The following BLTP3B variants were observed in gnomAD, a reference collection of about 807,000 sequenced individuals.
The protein encoded by BLTP3B is bridge-like lipid transfer protein family member 3B, also known as UHRF1 (ICBP90) binding protein 1-like.
the BLTP3B span, among the ~76,000 whole-genome samples, chr12:100,132,008 T>G: frequency 6.6e-6 from 1 of 152,164 alleles, no homozygotes; most frequent in East Asian, 1.9e-4. Context: ...GCCAGGCTGG[T>G]CTCGAACTCC....
chr12:100,061,517 C>T, the BLTP3B span, among the ~76,000 whole-genome samples: 1 of 151,828 alleles, frequency 6.6e-6, no homozygotes, highest in African/African-American at 2.4e-5. Context: ...ATTAGCCGGG[C>T]GTGGTGGCGG....
At chr12:100,069,457 CGT>C in the BLTP3B span, among the ~76,000 whole-genome samples, 1 of 150,996 alleles carries the variant, frequency 6.6e-6, no homozygotes, top group East Asian at 1.9e-4. Context: ...CATATATGTG[CGT>C]GTGTATATAT....
chr12:100,106,171 G>A, the BLTP3B span, among the ~76,000 whole-genome samples: 2 of 151,904 alleles, frequency 1.3e-5, no homozygotes, highest in Non-Finnish European at 2.9e-5. Flanking sequence ...ACTAAAAGTA[G>A]ATCTACCATT....
At chr12:100,044,578 C>A in the BLTP3B span, among the ~76,000 whole-genome samples, 1 of 152,058 alleles carries the variant, frequency 6.6e-6, no homozygotes, top group Non-Finnish European at 1.5e-5. Flanking sequence ...AGTGGAGATG[C>A]AAACATTAAA....
chr12:100,089,756 G>A, the BLTP3B span, among the ~76,000 whole-genome samples: 1 of 152,056 alleles, frequency 6.6e-6, no homozygotes, highest in Admixed American at 6.6e-5. Context: ...AAACAAATGT[G>A]GGCCCTGTAT....
the BLTP3B span, chr12:100,058,971 A>C: frequency 3.1e-6 from 5 of 1,613,998 alleles, no homozygotes; most frequent in Non-Finnish European, 4.2e-6. Context: ...ATACTCCTTC[A>C]AGAGCTTCTT....
chr12:100,103,239 A>C, the BLTP3B span, among the ~76,000 whole-genome samples: 1 of 152,170 alleles, frequency 6.6e-6, no homozygotes, highest in South Asian at 2.1e-4. Flanking sequence ...AGCTTATCAC[A>C]ATCTAAGATC....
chr12:100,072,040 C>A, the BLTP3B span, among the ~76,000 whole-genome samples: 2 of 152,162 alleles, frequency 1.3e-5, no homozygotes, highest in Admixed American at 1.3e-4. Flanking sequence ...GTGGGCAGAT[C>A]ACTTGAGGTC....
chr12:100,038,660 A>T, the BLTP3B span, among the ~76,000 whole-genome samples: 1 of 152,012 alleles, frequency 6.6e-6, no homozygotes, highest in Non-Finnish European at 1.5e-5. Flanking sequence ...GATGGCCAAT[A>T]CGTCTCCTCC....
chr12:100,117,768 T>A, the BLTP3B span, among the ~76,000 whole-genome samples: 83 of 152,300 alleles, frequency 5.4e-4, no homozygotes, highest in African/African-American at 1.8e-3. Context: ...CCCAAAGTGC[T>A]GGGATTACAG....
the BLTP3B span, among the ~76,000 whole-genome samples, chr12:100,041,377 CTT>C: frequency 3.4e-5 from 5 of 148,320 alleles, no homozygotes; most frequent in Admixed American, 1.3e-4. Context: ...AGACTAGACT[CTT>C]TTCCTGTTGG....
chr12:100,103,557 G>C, the BLTP3B span, among the ~76,000 whole-genome samples: 1 of 151,904 alleles, frequency 6.6e-6, no homozygotes, highest in Non-Finnish European at 1.5e-5. Context: ...GTATATTAAA[G>C]AACATATTTC....
chr12:100,121,282 G>A, the BLTP3B span, among the ~76,000 whole-genome samples: 2 of 151,502 alleles, frequency 1.3e-5, no homozygotes, highest in African/African-American at 4.8e-5. Context: ...CCTGGGAGGT[G>A]GAGGTTGCAG....
At chr12:100,048,771 A>AGTGTGTGTATGTGT in the BLTP3B span, among the ~76,000 whole-genome samples, 1 of 114,980 alleles carries the variant, frequency 8.7e-6, no homozygotes, top group African/African-American at 3.3e-5. Context: ...AGTGAGAGTG[A>AGTGTGTGTATGTGT]GTGTGTGTGT....
chr12:100,138,865 AT>A, the BLTP3B span, among the ~76,000 whole-genome samples: 2 of 140,998 alleles, frequency 1.4e-5, no homozygotes, highest in African/African-American at 6.0e-5. Flanking sequence ...ACACATACAC[AT>A]ACACACACAC....
At chr12:100,081,476 G>A in the BLTP3B span, among the ~76,000 whole-genome samples, 11 of 152,038 alleles carry the variant, frequency 7.2e-5, no homozygotes, top group East Asian at 1.9e-4. Context: ...GGTAAACTGC[G>A]TGTCACTGGG....
the BLTP3B span, among the ~76,000 whole-genome samples, chr12:100,136,210 C>CAA: frequency 3.6e-4 from 38 of 106,366 alleles, 1 homozygote; most frequent in East Asian, 9.4e-3. Flanking sequence ...GACTCTGTCT[C>CAA]AAAAAAAAAA....
At chr12:100,137,708 A>G in the BLTP3B span, among the ~76,000 whole-genome samples, 1 of 152,214 alleles carries the variant, frequency 6.6e-6, no homozygotes, top group Non-Finnish European at 1.5e-5. Flanking sequence ...TTCAAAAATA[A>G]GACTGCTTTA....
chr12:100,069,177 A>C, the BLTP3B span, among the ~76,000 whole-genome samples: 1 of 152,280 alleles, frequency 6.6e-6, no homozygotes, highest in East Asian at 1.9e-4. Context: ...GTGCTGCTGC[A>C]CTCCAGCCTG....
Sources: allele counts gnomAD v4.1 joint callset (sites outside exome capture counted in the v4.1 genomes callset), GRCh38; gene constraint gnomAD v4.1.1; transcripts MANE v1.5; gene names NCBI Gene and HGNC (gene_info 2026-07-23, HGNC 2026-07-21).